Variants in ANGPT4 observed in about 807,000 individuals in gnomAD.
ANGPT4 encodes angiopoietin-4.
Under a neutral mutation model 53.0 loss-of-function variants are expected in ANGPT4, and 50 were observed. The observed-to-expected ratio is 0.94, with a 90% confidence interval of 0.75 to 1.20. ANGPT4 has a LOEUF of 1.20. Ranked by LOEUF, ANGPT4 falls within the 50% of genes most tolerant of loss-of-function variation. The pLI is 0.00. For synonymous variants in ANGPT4, 251 were observed against 259.7 expected, an observed-to-expected ratio of 0.97 and a Z score of 0.32; for missense variants, 648 against 637.1, an observed-to-expected ratio of 1.02 and a Z score of -0.18.
intron 7 of ANGPT4, among the ~76,000 whole-genome samples, chr20:875,534 G>T (rs760883910): frequency 6.6e-6 from 1 of 152,210 alleles, no homozygotes; most frequent in African/African-American, 2.4e-5. Flanking sequence ...CTACCACTTA[G>T]AGCTGCATGG....
chr20:896,527 T>A (rs2122827598), intron 1 of ANGPT4, among the ~76,000 whole-genome samples: 1 of 152,216 alleles, frequency 6.6e-6, no homozygotes, highest in East Asian at 1.9e-4. Flanking sequence ...TATTTGAGGA[T>A]CAAAATGAAG....
Position 873,047 on chromosome 20 carries a change from C to T in ANGPT4, c.1425G>A (p.Lys475=), listed in dbSNP as rs1981008357. The T allele has an allele frequency of 1.9e-6, 3 of 1,613,982 alleles. No individual in the cohort carries two copies. The highest frequency in any genetic ancestry group is 1.3e-5 in the African/African-American group (1 of 74,916). ...AGTAGTGCCAGCGGATGCCGTCCAT[C>T]TTGTACTTGTTGTCGGGAGCGTGGT... ...VYYHAPDNKY[K]MDGIRWHYFK... The change falls in exon 9 of 9, where the codon AAG becomes AAA. Residue 475 remains lysine (K), a synonymous_variant. Transcript: ENST00000381922.
intron 1 of ANGPT4, 61 bp downstream of exon 1, chr20:915,845 G>T (rs1982908430): frequency 2.7e-6 from 4 of 1,507,564 alleles, no homozygotes; most frequent in Non-Finnish European, 3.6e-6. Context: ...CACTCCACCT[G>T]CTGATTGTGA....
chr20:909,166 C>T (rs1471025353), intron 1 of ANGPT4, among the ~76,000 whole-genome samples: 1 of 152,112 alleles, frequency 6.6e-6, no homozygotes, highest in East Asian at 1.9e-4. Context: ...CATAACAGTC[C>T]CCACCTTTTA....
intron 8 of ANGPT4, among the ~76,000 whole-genome samples, chr20:873,694 C>T (rs1181104409): frequency 1.3e-5 from 2 of 152,046 alleles, no homozygotes; most frequent in African/African-American, 4.8e-5. Context: ...AGTCTTTCTC[C>T]CCCATCTCCC....
In ANGPT4 at chr20:898,762, G is replaced by C. The variant is rs111454614; in HGVS notation, c.310-8394C>G. 2.4e-3 allele frequency among the ~76,000 whole-genome samples: 369 copies of C among 152,274 alleles called. 2 individuals are homozygous for C. The highest frequency in any genetic ancestry group is 8.3e-3 in the African/African-American group (343 of 41,560). ...ATCCAGCACACAAGAACTTCAAAAC[G>C]CCTAAGCCGCAGCAGACAGTTGTTC... On this transcript the variant is annotated intron_variant, in intron 1 of 8. Transcript: ENST00000381922.
intron 1 of ANGPT4, among the ~76,000 whole-genome samples, chr20:913,931 A>G (rs1222583114): frequency 2.6e-5 from 4 of 152,184 alleles, no homozygotes; most frequent in African/African-American, 9.7e-5. Flanking sequence ...GAGTCGTCTC[A>G]GGCAGCTTTG....
rs1375303183 is a variant in ANGPT4, at chr20:908,948, G to A, written c.309+6958C>T. ...AACCCTGGGTTCTGGGCCAACTCCT[G>A]CCACCGACCCTTGGGTGAATGTGAT... On this transcript the variant is annotated intron_variant, in intron 1 of 8. Coordinates refer to ENST00000381922, the MANE Select transcript of ANGPT4 (RefSeq NM_015985.4). The surrounding 1 kb of genome is among the most constrained non-coding windows in gnomAD (Gnocchi z 4.9). Among the ~76,000 whole-genome samples, 1 of 152,124 alleles carries A rather than the reference G, an allele frequency of 6.6e-6. No individual in the cohort carries two copies. Among genetic ancestry groups the A allele is most frequent in the African/African-American group, 2.4e-5 (1 of 41,422 alleles).
intron 1 of ANGPT4, among the ~76,000 whole-genome samples, chr20:892,203 G>A (rs1568841510): frequency 6.6e-6 from 1 of 151,590 alleles, no homozygotes; most frequent in Non-Finnish European, 1.5e-5. Context: ...ACTTCTACAA[G>A]TTGTCTCCAT....
chr20:907,806 C>G (rs1448587262), intron 1 of ANGPT4, among the ~76,000 whole-genome samples: 1 of 152,148 alleles, frequency 6.6e-6, no homozygotes, highest in Non-Finnish European at 1.5e-5. Context: ...GAAAATAGGG[C>G]AAAGTATGTT....
intron 7 of ANGPT4, among the ~76,000 whole-genome samples, chr20:876,494 C>G (rs1981176490): frequency 6.6e-6 from 1 of 152,202 alleles, no homozygotes; most frequent in Admixed American, 6.5e-5. Flanking sequence ...TGCCACGAGA[C>G]AGTGATCGTA....
chr20:910,551 T>G (rs571210809), intron 1 of ANGPT4, among the ~76,000 whole-genome samples: 1 of 152,070 alleles, frequency 6.6e-6, no homozygotes, highest in Non-Finnish European at 1.5e-5. Context: ...GGCTCTGAGG[T>G]TATGCAAACA....
intron 1 of ANGPT4, among the ~76,000 whole-genome samples, chr20:912,812 T>G (rs1014189091): frequency 4.0e-5 from 6 of 151,832 alleles, no homozygotes; most frequent in African/African-American, 1.5e-4. Context: ...AACTCTGCAG[T>G]AGAAGGGAGC....
intron 1 of ANGPT4, among the ~76,000 whole-genome samples, chr20:897,790 C>A (rs1323200970): frequency 1.3e-5 from 2 of 152,176 alleles, no homozygotes; most frequent in African/African-American, 2.4e-5. Context: ...ACCCTGCATT[C>A]CCCCTTCTTC....
At chr20:873,234 T>A in intron 8 of ANGPT4, 114 bp from the exon 9 acceptor site, 1 of 405,158 alleles carries the variant, frequency 2.5e-6, no homozygotes, top group Non-Finnish European at 3.5e-6. Context: ...TTGCCTCCTC[T>A]GGGAAGCCAG....
intron 1 of ANGPT4, among the ~76,000 whole-genome samples, chr20:898,771 G>T (rs956386660): frequency 1.3e-5 from 2 of 152,180 alleles, no homozygotes; most frequent in Non-Finnish European, 2.9e-5. Context: ...CGCCTAAGCC[G>T]CAGCAGACAG....
In ANGPT4 at chr20:873,123, G is replaced by A; in HGVS notation, c.1352-3C>T. The A allele has an allele frequency of 6.2e-7, 1 of 1,613,464 alleles. No individual in the cohort carries two copies. The highest frequency in any genetic ancestry group is 8.5e-7 in the Non-Finnish European group (1 of 1,179,866). ...GCCACAGGCGTCAAACCACCACCCT[G>A]GTGGAAGAGGGAGGACAGGCGCTTG... On this transcript the variant is annotated splice_region_variant and splice_polypyrimidine_tract_variant and intron_variant, in intron 8 of 8. Transcript: ENST00000381922.
At chr20:896,199 C>G (rs755877301) in intron 1 of ANGPT4, among the ~76,000 whole-genome samples, 1 of 152,184 alleles carries the variant, frequency 6.6e-6, no homozygotes, top group Non-Finnish European at 1.5e-5. Context: ...ATTTCTTGAG[C>G]ACCTACTATG....
intron 3 of ANGPT4, among the ~76,000 whole-genome samples, chr20:886,272 A>G (rs1048799685): frequency 2.0e-5 from 3 of 152,232 alleles, no homozygotes; most frequent in African/African-American, 7.2e-5. Flanking sequence ...TGGTTGGATT[A>G]GTAAAAGGCT....
Sources: gnomAD v4.1 joint callset for allele counts (sites outside exome capture counted in the v4.1 genomes callset) on GRCh38, gnomAD v4.1.1 for gene constraint, Gnocchi (gnomAD v3.1) non-coding constraint, MANE v1.5 for transcripts, NCBI Gene and HGNC (gene_info 2026-07-23, HGNC 2026-07-21) for gene names.